PLCL1: variants seen among roughly 807,000 people sequenced by gnomAD.
PLCL1 encodes the protein inactive phospholipase C-like protein 1.
Under a neutral mutation model 84.4 loss-of-function variants are expected in PLCL1, and 41 were observed. The observed-to-expected ratio is 0.49, with a 90% confidence interval of 0.38 to 0.63. The LOEUF (loss-of-function observed/expected upper bound fraction) is 0.63, where lower values mean the gene tolerates loss of function less well. PLCL1 is among the 30% of genes least tolerant of loss of function. The pLI is 0.00. For missense variants in PLCL1, 1,206 were observed against 1,367.8 expected (o/e 0.88, Z 1.87); for synonymous variants, 490 against 488.3 (o/e 1.00, Z -0.05).
At chr2:197,895,372 A>G (rs145903236) in intron 1 of PLCL1, among the ~76,000 whole-genome samples, 1 of 151,996 alleles carries the variant, frequency 6.6e-6, no homozygotes, top group Non-Finnish European at 1.5e-5. Context: ...ATAGGTAAAT[A>G]AAAGATCAAT....
chr2:197,922,011 TTTTTTTA>T lies in PLCL1; in HGVS notation c.240+116673_240+116679del, dbSNP rs1451934194. On this transcript the variant is annotated intron_variant, in intron 1 of 5. Coordinates refer to ENST00000428675, the MANE Select transcript of PLCL1 (RefSeq NM_006226.4). ...TGATTGATAAATTCTTTTTTTTTTT[TTTTTTTA>T]AATTTATTTTTTTATTGATAATTCT... Among the ~76,000 whole-genome samples, 184 of 148,380 alleles carry T rather than the reference TTTTTTTA, an allele frequency of 1.2e-3. 1 individual carries two copies. The highest frequency in any genetic ancestry group is 4.1e-3 in the African/African-American group (168 of 40,836).
chr2:197,875,550 T>G (rs185475531), intron 1 of PLCL1, among the ~76,000 whole-genome samples: 89 of 152,156 alleles, frequency 5.8e-4, no homozygotes, highest in African/African-American at 2.1e-3. Flanking sequence ...CCTTTATATT[T>G]TGTGTACTTT....
intron 1 of PLCL1, among the ~76,000 whole-genome samples, chr2:197,908,700 T>C (rs1164274907): frequency 1.3e-5 from 2 of 152,214 alleles, no homozygotes; most frequent in African/African-American, 4.8e-5. Context: ...ATGTCTTTAT[T>C]TAATGACATT....
chr2:197,915,071 A>G (rs905610737), intron 1 of PLCL1, among the ~76,000 whole-genome samples: 1 of 152,236 alleles, frequency 6.6e-6, no homozygotes, highest in South Asian at 2.1e-4. Context: ...TACCATTTAG[A>G]GTTCTAGAGA....
intron 1 of PLCL1, among the ~76,000 whole-genome samples, chr2:198,066,860 A>G (rs1692332672): frequency 6.6e-6 from 1 of 152,148 alleles, no homozygotes; most frequent in South Asian, 2.1e-4. Context: ...GGGGATGCGT[A>G]GTACCCCACT....
chr2:197,881,035 G>T (rs1182935669), intron 1 of PLCL1, among the ~76,000 whole-genome samples: 1 of 152,144 alleles, frequency 6.6e-6, no homozygotes, highest in Non-Finnish European at 1.5e-5. Context: ...GGGACTCTGT[G>T]GTTCTCCTTC....
At chr2:198,119,961 G>T (rs1246605682) in intron 5 of PLCL1, among the ~76,000 whole-genome samples, 2 of 151,962 alleles carry the variant, frequency 1.3e-5, no homozygotes, top group African/African-American at 4.8e-5. Flanking sequence ...AATATCCACA[G>T]TCATGATGTC....
At chr2:198,080,483 T>C (rs1692683134) in intron 1 of PLCL1, among the ~76,000 whole-genome samples, 1 of 151,848 alleles carries the variant, frequency 6.6e-6, no homozygotes, top group Admixed American at 6.6e-5. Flanking sequence ...AGAAGGAGAT[T>C]TGGAGTCGTC....
At chr2:197,922,946 C>CA in intron 1 of PLCL1, among the ~76,000 whole-genome samples, 1 of 116,530 alleles carries the variant, frequency 8.6e-6, no homozygotes, top group Admixed American at 8.7e-5. Context: ...GCTGGCCGGG[C>CA]GGGGGGCTGA....
At chr2:198,115,138 G>C (rs1207778249) in intron 5 of PLCL1, among the ~76,000 whole-genome samples, 4 of 151,832 alleles carry the variant, frequency 2.6e-5, no homozygotes, top group African/African-American at 7.2e-5. Flanking sequence ...CTTTCCTGTG[G>C]TCAGTCCTTT....
At chr2:198,012,640 GT>G (rs1690896713) in intron 1 of PLCL1, among the ~76,000 whole-genome samples, 1 of 151,118 alleles carries the variant, frequency 6.6e-6, no homozygotes, top group Non-Finnish European at 1.5e-5. Context: ...TTCTTCTCTT[GT>G]TGTCTTCGTG....
intron 1 of PLCL1, among the ~76,000 whole-genome samples, chr2:198,079,572 CA>C (rs1441953364): frequency 6.6e-6 from 1 of 151,858 alleles, no homozygotes; most frequent in Non-Finnish European, 1.5e-5. Context: ...GTTGTTTTAA[CA>C]AAAAAGTATT....
chr2:198,002,382 G>A (rs1250178622), intron 1 of PLCL1, among the ~76,000 whole-genome samples: 2 of 151,818 alleles, frequency 1.3e-5, no homozygotes, highest in Non-Finnish European at 2.9e-5. Flanking sequence ...GGTATACAAA[G>A]GTTTGATTTT....
intron 3 of PLCL1, among the ~76,000 whole-genome samples, chr2:198,092,425 C>T (rs905721018): frequency 6.6e-6 from 1 of 152,166 alleles, no homozygotes; most frequent in Non-Finnish European, 1.5e-5. Flanking sequence ...ATGTAATGAT[C>T]AAATTAGAGT....
intron 1 of PLCL1, among the ~76,000 whole-genome samples, chr2:197,868,974 C>T (rs1687597390): frequency 6.6e-6 from 1 of 152,050 alleles, no homozygotes; most frequent in South Asian, 2.1e-4. Flanking sequence ...GAGTTTTAGT[C>T]ACATTTTAAC....
chr2:197,852,298 C>A (rs1687254954), intron 1 of PLCL1, among the ~76,000 whole-genome samples: 1 of 152,164 alleles, frequency 6.6e-6, no homozygotes, highest in Non-Finnish European at 1.5e-5. Context: ...CCTGCCCTGG[C>A]CAGCCAAACT....
intron 1 of PLCL1, among the ~76,000 whole-genome samples, chr2:197,923,201 G>GT (rs1688750176): frequency 3.6e-5 from 3 of 84,412 alleles, no homozygotes; most frequent in Admixed American, 2.2e-4. Flanking sequence ...CTGGCCGGGC[G>GT]GGGGGCTGAC....
In PLCL1 at chr2:197,805,073, C is replaced by T. The variant is rs1437084853; in HGVS notation, c.-27C>T. 1 of 1,423,174 alleles carries T rather than the reference C, an allele frequency of 7.0e-7. No homozygotes were observed. 88.2% of individuals were successfully genotyped at this position (1,423,174 alleles called of 1,614,324 possible). ...TCCGCTGCCGGGCGTCCCGCTTTCC[C>T]CCGGGGAGCCCTAAACGCTCCAGGC... On this transcript the variant is annotated 5_prime_UTR_variant, in exon 1 of 6. Transcript: ENST00000428675. The surrounding 1 kb of genome is among the most constrained non-coding windows in gnomAD (Gnocchi z 4.0).
intron 1 of PLCL1, among the ~76,000 whole-genome samples, chr2:197,898,283 A>G (rs1688194958): frequency 1.3e-5 from 2 of 152,204 alleles, no homozygotes; most frequent in African/African-American, 4.8e-5. Flanking sequence ...TACTGGGCTC[A>G]AGGGTCTTGA....
Sources: allele counts gnomAD v4.1 joint callset (sites outside exome capture counted in the v4.1 genomes callset), GRCh38; gene constraint gnomAD v4.1.1; non-coding constraint Gnocchi (gnomAD v3.1); transcripts MANE v1.5; gene names NCBI Gene and HGNC (gene_info 2026-07-23, HGNC 2026-07-21).